The following A1BG variants were observed in gnomAD, a reference collection of about 807,000 sequenced individuals.
The protein encoded by A1BG is alpha-1B-glycoprotein.
A1BG carries 44 observed loss-of-function variants against 46.0 expected under a neutral mutation model. The ratio of observed to expected loss-of-function variants is 0.96; its 90% CI spans 0.75 to 1.23. The LOEUF is 1.23. Among genes scored for constraint, A1BG ranks in the 50% most tolerant of loss-of-function variants. The pLI, the probability that A1BG is intolerant of heterozygous loss-of-function variation, is 0.00. For missense variants in A1BG, 707 were observed against 688.8 expected (o/e 1.03, Z -0.30); for synonymous variants, 316 against 314.7 (o/e 1.00, Z -0.04).
At chr19:58,352,715 C>T in intron 3 of A1BG, 160 bp from the exon 4 acceptor site, 1 of 1,188,672 alleles carries the variant, frequency 8.4e-7, no homozygotes, top group South Asian at 1.5e-5. Context: ...AGGCATACGG[C>T]AAGAGAAAAA....
intron 7 of A1BG, 42 bp downstream of exon 7, chr19:58,347,311 T>C (rs2147998045): frequency 6.2e-7 from 1 of 1,606,322 alleles, no homozygotes; most frequent in East Asian, 2.2e-5. Flanking sequence ...CAGGCAAACA[T>C]CAGCAGACGG....
Position 58,345,819 on chromosome 19 carries a change from G to A in A1BG, c.*1203C>T, listed in dbSNP as rs2051910678. 1 of 152,254 alleles carries A rather than the reference G, an allele frequency of 6.6e-6. No homozygotes were observed. Among genetic ancestry groups the A allele is most frequent in the African/African-American group, 2.4e-5 (1 of 41,460 alleles). The allele number at this position is 152,254 out of a possible 1,614,324, so 9.4% of individuals were successfully genotyped here. On this transcript the variant is annotated 3_prime_UTR_variant, in exon 8 of 8. Coordinates refer to ENST00000263100, the MANE Select transcript of A1BG (RefSeq NM_130786.4). ...CATATTAGGAACTAGATATTACTAAGGCAGTAAACCAGATCACTAGCAAAT... is the reference window on the plus strand; with the variant it reads ...CATATTAGGAACTAGATATTACTAAAGCAGTAAACCAGATCACTAGCAAAT...
At chr19:58,352,904 C>T in intron 3 of A1BG, 24 bp downstream of exon 3, 1 of 1,598,812 alleles carries the variant, frequency 6.3e-7, no homozygotes, top group Non-Finnish European at 8.5e-7. Flanking sequence ...TGCCTCCTGG[C>T]CCCCAATTCA....
chr19:58,351,013 G>T, intron 5 of A1BG: 1 of 424,590 alleles, frequency 2.4e-6, no homozygotes, highest in Non-Finnish European at 4.3e-6. Flanking sequence ...GGCCCCTGTG[G>T]TCCGCTGGGC....
chr19:58,350,401 C>A lies in A1BG; in HGVS notation c.1161G>T (p.Ala387=). The change falls in exon 6 of 8, where the codon GCG becomes GCT. Residue 387 remains alanine (A), a synonymous_variant. Transcript: ENST00000263100. ...VDLKPPFGGS[A]PSERLELHVD... ...CGTGCAGCTCCAAGCGCTCGCTGGG[C>A]GCGGAGCCCCCGAAAGGCGGCTTCA... The A allele has an allele frequency of 6.5e-7, 1 of 1,549,366 alleles. No homozygotes were observed. The highest frequency in any genetic ancestry group is 8.7e-7 in the Non-Finnish European group (1 of 1,146,350).
intron 6 of A1BG, 109 bp from the exon 7 acceptor site, chr19:58,347,749 C>A (rs1288250786): frequency 6.2e-6 from 4 of 643,006 alleles, no homozygotes; most frequent in Non-Finnish European, 8.8e-6. Flanking sequence ...TCAGCCCCGG[C>A]TTCATCTTCC....
At position 58,347,289 on chromosome 19, in the gene A1BG, G is replaced by A. The variant is rs990951519; in HGVS notation, c.1480+64C>T. 102 of 1,599,518 alleles carry A rather than the reference G, an allele frequency of 6.4e-5. 1 individual carries two copies. The Middle Eastern group carries it at 6.7e-4, about 11-fold the overall frequency. On this transcript the variant is annotated intron_variant, in intron 7 of 7. Transcript: ENST00000263100. ...GGAGCCGGGAGAGGCCCTCCTGGAG[G>A]TGGGCACAGCCCAGGCAAACATCAG...
Position 58,347,040 on chromosome 19 carries a change from G to A in A1BG, c.1481-11C>T. On this transcript the variant is annotated splice_polypyrimidine_tract_variant and intron_variant, in intron 7 of 7. Coordinates refer to ENST00000263100, the MANE Select transcript of A1BG (RefSeq NM_130786.4). ...GGCTGCATCAGCTTTCTAGACAACG[G>A]GAGAAAAGAGAAATGGTGGAGGAGG... 6.2e-7 allele frequency: 1 copy of A among 1,614,032 alleles called. No homozygotes were observed. Among genetic ancestry groups the A allele is most frequent in the Non-Finnish European group, 8.5e-7 (1 of 1,179,954 alleles).
Position 58,345,535 on chromosome 19 carries a change from G to T in A1BG, c.*1487C>A, listed in dbSNP as rs2051909096. ...ACATAAAAATTAGCTGGGTGTGGTG[G>T]TGGGTGCCTGTCAGCCCAGCTACTC... On this transcript the variant is annotated 3_prime_UTR_variant, in exon 8 of 8. Transcript: ENST00000263100. 1 of 152,156 alleles carries T rather than the reference G, an allele frequency of 6.6e-6. No homozygotes were observed. Among genetic ancestry groups the T allele is most frequent in the Non-Finnish European group, 1.5e-5 (1 of 68,058 alleles). The allele number at this position is 152,156 out of a possible 1,614,324, so 9.4% of individuals were successfully genotyped here. A position where few individuals can be genotyped will look rare whatever the true frequency, so the allele number is the denominator to read the frequency against.
Position 58,351,404 on chromosome 19 carries a change from C to G in A1BG, c.897G>C (p.Leu299=). 6.2e-7 allele frequency: 1 copy of G among 1,611,194 alleles called. No homozygotes were observed. The highest frequency in any genetic ancestry group is 8.5e-7 in the Non-Finnish European group (1 of 1,179,972). The change falls in exon 5 of 8, where the codon CTG becomes CTC. Residue 299 remains leucine (L), a synonymous_variant. Transcript: ENST00000263100. ...GWSGDSAPVE[L]ILSDETLPAP... ...GCCCCGGCTCACCATCGCTCAGAAT[C>G]AGCTCGACCGGCGCGCTGTCCCCGG... is the stretch of plus-strand genomic sequence containing the variant.
In A1BG at chr19:58,350,547, C is replaced by G. The variant is rs1322520506; in HGVS notation, c.1015G>C (p.Glu339Gln). Reference protein sequence around the residue: ...LEGARFALVREDRGGRRVHRF... With the variant: ...LEGARFALVRQDRGGRRVHRF... ...TGCACGCGGCGCCCGCCCCTGTCCTCGCGCACCAGGGCGAAGCGCGCGCCC... is the reference window on the plus strand; with the variant it reads ...TGCACGCGGCGCCCGCCCCTGTCCTGGCGCACCAGGGCGAAGCGCGCGCCC... Residue 339 changes from glutamate to glutamine, a missense_variant, in exon 6 of 8, where the codon GAG (glutamate) becomes CAG (glutamine). Physicochemically the swap from Glu to Gln is conservative, Grantham distance 29. Transcript: ENST00000263100. 5 of 1,548,394 alleles carry G rather than the reference C, an allele frequency of 3.2e-6. No individual in the cohort carries two copies. The highest frequency in any genetic ancestry group is 2.4e-5 in the East Asian group (1 of 40,818).
intron 6 of A1BG, 145 bp from the exon 7 acceptor site, chr19:58,347,785 CTCCTCCGGCGCCG>C (rs1369671513): frequency 1.5e-5 from 7 of 474,670 alleles, no homozygotes; most frequent in Non-Finnish European, 1.6e-5. Context: ...GCGCAGAGGG[CTCCTCCGGCGCCG>C]CCGAGCTGCG....
At position 58,353,347 on chromosome 19, in the gene A1BG, A is replaced by C; in HGVS notation, c.35-20T>G. 1 of 1,610,542 alleles carries C rather than the reference A, an allele frequency of 6.2e-7. No individual in the cohort carries two copies. Among genetic ancestry groups the C allele is most frequent in the Non-Finnish European group, 8.5e-7 (1 of 1,178,456 alleles). ...TGACACCTGCGGAGACAGCCCCCGT[A>C]AGGCTCCTGTTCCCGCCCCCTCCCG... is the stretch of plus-strand genomic sequence containing the variant. On this transcript the variant is annotated intron_variant, in intron 1 of 7. Coordinates refer to ENST00000263100, the MANE Select transcript of A1BG (RefSeq NM_130786.4).
At position 58,350,897 on chromosome 19, in the gene A1BG, G is replaced by A. The variant is rs1198080680; in HGVS notation, c.911-246C>T. 7 of 441,464 alleles carry A rather than the reference G, an allele frequency of 1.6e-5. No individual in the cohort carries two copies. In the Admixed American group the frequency reaches 2.4e-4, roughly 15 times the overall value. The allele number at this position is 441,464 out of a possible 1,614,324, so 27.3% of individuals were successfully genotyped here. On this transcript the variant is annotated intron_variant, in intron 5 of 7. Transcript: ENST00000263100. ...GACACAGACGGGAAGCGGGGACGGGGACATGTTTTGTGCATGGCTTGATGC... is the reference window on the plus strand; with the variant it reads ...GACACAGACGGGAAGCGGGGACGGGAACATGTTTTGTGCATGGCTTGATGC...
At chr19:58,347,133 C>G in intron 7 of A1BG, 104 bp from the exon 8 acceptor site, 3 of 1,478,734 alleles carry the variant, frequency 2.0e-6, no homozygotes, top group Non-Finnish European at 2.8e-6. Context: ...CGGAAGGAAG[C>G]GCGTGGTCGG....
rs773610628 is a variant in A1BG at position 58,347,423 on chromosome 19, G to A, written c.1410C>T (p.Cys470=). The stretch of plus-strand genomic sequence containing the variant: ...TGTGGGGCACCCAGGAGCGGTAGCG[G>A]CACCTGTAGTTGCCGGCGTGCTGGG... The part of the protein sequence containing the change: ...VGPQHAGNYR[C]RYRSWVPHTF... Residue 470 remains cysteine, a synonymous_variant, in exon 7 of 8, where the codon TGC becomes TGT. Transcript: ENST00000263100. 1 of 1,610,798 alleles carries A rather than the reference G, an allele frequency of 6.2e-7. No homozygotes were observed. The highest frequency in any genetic ancestry group is 1.1e-5 in the South Asian group (1 of 91,040).
rs1206591663 is a variant in A1BG at position 58,351,409 on chromosome 19, C to T, written c.892G>A (p.Glu298Lys). The T allele has an allele frequency of 1.9e-6, 3 of 1,611,570 alleles. No homozygotes were observed. The highest frequency in any genetic ancestry group is 1.1e-5 in the South Asian group (1 of 91,064). Residue 298 changes from glutamate to lysine, a missense_variant, in exon 5 of 8, where the codon GAG becomes AAG. By Grantham distance (56) the Glu-to-Lys change is moderately conservative (BLOSUM62 1). Coordinates refer to ENST00000263100, the MANE Select transcript of A1BG (RefSeq NM_130786.4). ...GGCTCACCATCGCTCAGAATCAGCT[C>T]GACCGGCGCGCTGTCCCCGGACCAG... Reference protein sequence around the residue: ...NGWSGDSAPVELILSDETLPA... With the variant: ...NGWSGDSAPVKLILSDETLPA...
In A1BG at chr19:58,351,528, C is replaced by A. The variant is rs1429367982; in HGVS notation, c.773G>T (p.Ser258Ile). 1.2e-6 allele frequency: 2 copies of A among 1,613,956 alleles called. No homozygotes were observed. The highest frequency in any genetic ancestry group is 1.3e-5 in the African/African-American group (1 of 75,050). Reference sequence around the variant, plus strand: ...CAGGTGAAAGAAGATGCGATCTGGGCTGGTGCTGCTCCTGGGTACCAGCAG... The same window carrying A: ...CAGGTGAAAGAAGATGCGATCTGGGATGGTGCTGCTCCTGGGTACCAGCAG... The part of the protein sequence containing the change: ...KELLVPRSST[S>I]PDRIFFHLNA... Residue 258 changes from serine (S) to isoleucine (I), a missense_variant, in exon 5 of 8, where the codon AGC (serine) becomes ATC (isoleucine). Coordinates refer to ENST00000263100, the MANE Select transcript of A1BG (RefSeq NM_130786.4).
At chr19:58,350,940 T>TCGAG (rs2051952501) in intron 5 of A1BG, 1 of 431,394 alleles carries the variant, frequency 2.3e-6, no homozygotes, top group South Asian at 5.1e-5. Flanking sequence ...ACGATGCCGC[T>TCGAG]CAGTAGTGGA....
Sources: allele counts gnomAD v4.1 joint callset, GRCh38; gene constraint gnomAD v4.1.1; transcripts MANE v1.5; gene names NCBI Gene and HGNC (gene_info 2026-07-23, HGNC 2026-07-21).